CD109: variants seen among roughly 807,000 people sequenced by gnomAD.
CD109 encodes the protein CD109 molecule.
A neutral mutation model predicts 165.8 loss-of-function variants in CD109; 149 were observed. That is an observed-to-expected ratio of 0.90 (90% CI 0.79 to 1.03). CD109 has a LOEUF of 1.03. Among genes scored for constraint, CD109 ranks in the 50% least tolerant of loss-of-function variants. The probability of loss-of-function intolerance (pLI) is 0.00; values close to 1 mark genes in which losing one functional copy is unlikely to be tolerated. For missense variants in CD109, 1,712 were observed against 1,677.8 expected (o/e 1.02, Z -0.36); for synonymous variants, 585 against 592.1 (o/e 0.99, Z 0.18).
At chr6:73,794,442 A>G (rs59730531) in intron 23 of CD109, among the ~76,000 whole-genome samples, 4,575 of 152,222 alleles carry the variant, frequency 0.03, 237 homozygotes, top group African/African-American at 0.1. Context: ...TTAAGGGAGG[A>G]ACATGGGGTC....
In CD109 at chr6:73,780,534, A is replaced by G. The variant is rs1774445766; in HGVS notation, c.1902+36A>G. The G allele has an allele frequency of 2.3e-6, 3 of 1,322,934 alleles. No individual in the cohort carries two copies. The East Asian group carries it at 7.0e-5, about 31-fold the overall frequency. 81.9% of individuals were successfully genotyped at this position (1,322,934 alleles called of 1,614,324 possible). A position where few individuals can be genotyped will look rare whatever the true frequency, so the allele number is the denominator to read the frequency against. ...CTTGCTATATTGAAAAGATATTAAT[A>G]TTTTTTACTATTGCAAACCCTTTCA... On this transcript the variant is annotated intron_variant, in intron 16 of 32. Coordinates refer to ENST00000287097, the MANE Select transcript of CD109 (RefSeq NM_133493.5).
At chr6:73,743,858 C>G (rs546880978) in intron 5 of CD109, among the ~76,000 whole-genome samples, 1 of 152,308 alleles carries the variant, frequency 6.6e-6, no homozygotes, top group East Asian at 1.9e-4. Flanking sequence ...TGGGAAGGAT[C>G]TCAAACTCTT....
In CD109 at chr6:73,827,627, A is replaced by G. The variant is rs192421414; in HGVS notation, c.*3994A>G. The G allele has an allele frequency of 1.2e-4, 18 of 152,286 alleles. No individual in the cohort carries two copies. Among genetic ancestry groups the G allele is most frequent in the Non-Finnish European group, 8.8e-5 (6 of 68,004 alleles). The allele number at this position is 152,286 out of a possible 1,614,324, so 9.4% of individuals were successfully genotyped here. ...TTTAAAGTAAGTATATATCAGTGAGAGTAGGCTTGTTTTACAACTATTTCT... is the reference window on the plus strand; with the variant it reads ...TTTAAAGTAAGTATATATCAGTGAGGGTAGGCTTGTTTTACAACTATTTCT... On this transcript the variant is annotated 3_prime_UTR_variant, in exon 33 of 33. Transcript: ENST00000287097.
intron 22 of CD109, 85 bp downstream of exon 22, chr6:73,788,697 AT>A: frequency 1.6e-6 from 2 of 1,271,290 alleles, no homozygotes; most frequent in Middle Eastern, 4.4e-4. Context: ...GTATTTTCTT[AT>A]TGAGTCCTAA....
At chr6:73,749,957 A>G (rs1773126260) in intron 5 of CD109, among the ~76,000 whole-genome samples, 1 of 152,236 alleles carries the variant, frequency 6.6e-6, no homozygotes, top group African/African-American at 2.4e-5. Context: ...ACTAAAGTCC[A>G]GGAGACTACC....
intron 2 of CD109, among the ~76,000 whole-genome samples, chr6:73,715,415 A>T (rs1480059928): frequency 1.3e-5 from 2 of 151,734 alleles, no homozygotes; most frequent in Non-Finnish European, 2.9e-5. Context: ...AGTAAAAAAA[A>T]TTAGCCAGGC....
chr6:73,688,757 C>CTTTT, the CD109 span, among the ~76,000 whole-genome samples: 6 of 65,956 alleles, frequency 9.1e-5, no homozygotes, highest in African/African-American at 2.5e-4. Flanking sequence ...GAGAGTTTTT[C>CTTTT]TTTGTTTTTT....
chr6:73,805,615 C>T (rs187835986), intron 24 of CD109, among the ~76,000 whole-genome samples: 104 of 152,306 alleles, frequency 6.8e-4, no homozygotes, highest in Non-Finnish European at 1.0e-3. Flanking sequence ...TCCCTTCCCA[C>T]GAGGCCACAT....
At chr6:73,709,814 C>T (rs1185300358) in intron 2 of CD109, among the ~76,000 whole-genome samples, 2 of 152,104 alleles carry the variant, frequency 1.3e-5, no homozygotes, top group African/African-American at 4.8e-5. Flanking sequence ...CGTAATCCAG[C>T]ATATAAACAG....
intron 2 of CD109, among the ~76,000 whole-genome samples, chr6:73,722,553 C>A (rs1771997119): frequency 6.6e-6 from 1 of 152,202 alleles, no homozygotes; most frequent in African/African-American, 2.4e-5. Flanking sequence ...ATCTGTCTTG[C>A]ACATTGTGCT....
At chr6:73,685,506 CT>C in the CD109 span, among the ~76,000 whole-genome samples, 8 of 151,112 alleles carry the variant, frequency 5.3e-5, no homozygotes, top group African/African-American at 1.7e-4. Context: ...TTAGTTCTAA[CT>C]TTTTTTTTGT....
chr6:73,728,132 C>A (rs139719581), intron 3 of CD109, among the ~76,000 whole-genome samples: 2,273 of 152,142 alleles, frequency 0.015, 25 homozygotes, highest in Non-Finnish European at 0.022. Flanking sequence ...ACCAGCCTGG[C>A]CAACATGGTA....
chr6:73,706,387 G>C (rs1015782519), intron 2 of CD109, among the ~76,000 whole-genome samples: 2 of 152,158 alleles, frequency 1.3e-5, no homozygotes, highest in Non-Finnish European at 2.9e-5. Flanking sequence ...ACACAGGGAG[G>C]AGAGAGAAGA....
chr6:73,807,947 C>A, intron 25 of CD109, 136 bp from the exon 26 acceptor site: 1 of 646,948 alleles, frequency 1.5e-6, no homozygotes, highest in South Asian at 2.2e-5. Context: ...GGTTGATTTT[C>A]ATTGCCTAGT....
chr6:73,797,016 A>G (rs935529193), intron 23 of CD109, among the ~76,000 whole-genome samples: 2 of 152,156 alleles, frequency 1.3e-5, no homozygotes, highest in Non-Finnish European at 2.9e-5. Context: ...TTGCCATCAC[A>G]TTTGCCAAAG....
intron 4 of CD109, among the ~76,000 whole-genome samples, chr6:73,734,071 A>G (rs1352558453): frequency 2.0e-5 from 3 of 152,320 alleles, no homozygotes; most frequent in South Asian, 4.1e-4. Context: ...GGCCGCATGC[A>G]AATGCTGGGC....
At chr6:73,781,863 G>A (rs1430138040) in intron 17 of CD109, among the ~76,000 whole-genome samples, 3 of 125,216 alleles carry the variant, frequency 2.4e-5, no homozygotes, top group Admixed American at 8.6e-5. Flanking sequence ...TTCTTCCTGG[G>A]CAGGATTATA....
chr6:73,750,381 G>C (rs1208448328), intron 5 of CD109, among the ~76,000 whole-genome samples: 1 of 152,190 alleles, frequency 6.6e-6, no homozygotes. Flanking sequence ...GTTTTGGGAA[G>C]AGAAAAGCAA....
chr6:73,775,394 T>A (rs938797604), intron 15 of CD109, among the ~76,000 whole-genome samples: 3 of 152,194 alleles, frequency 2.0e-5, no homozygotes, highest in African/African-American at 7.2e-5. Context: ...ATCTCTCATG[T>A]TGTAGATTAT....
Sources: allele counts gnomAD v4.1 joint callset (sites outside exome capture counted in the v4.1 genomes callset), GRCh38; gene constraint gnomAD v4.1.1; transcripts MANE v1.5; gene names NCBI Gene and HGNC (gene_info 2026-07-23, HGNC 2026-07-21).